Variants in ARID1B observed in about 807,000 individuals in gnomAD.
ARID1B encodes the protein AT-rich interactive domain-containing protein 1B.
In ARID1B, 30 loss-of-function variants were observed where a neutral mutation model predicts 212.3. The observed-to-expected ratio is 0.14, with a 90% confidence interval of 0.11 to 0.19. The LOEUF (loss-of-function observed/expected upper bound fraction) is 0.19. ARID1B is among the 10% of genes least tolerant of loss of function. The pLI is 1.00. For synonymous variants in ARID1B, 1,402 were observed against 1,301.7 expected (o/e 1.08, Z -1.66); for missense variants, 2,891 against 3,204.0 (o/e 0.90, Z 2.36).
intron 4 of ARID1B, among the ~76,000 whole-genome samples, chr6:157,025,196 A>C (rs190031853): frequency 1.5e-3 from 233 of 152,390 alleles, no homozygotes; most frequent in Non-Finnish European, 2.6e-3. Context: ...TATCAAATGT[A>C]AAATTTAACT....
intron 4 of ARID1B, among the ~76,000 whole-genome samples, chr6:157,039,136 T>A (rs1368706985): frequency 1.3e-5 from 2 of 151,738 alleles, no homozygotes; most frequent in African/African-American, 4.8e-5. Context: ...TCCCAAAGAG[T>A]AGTGTTGGCA....
At chr6:156,904,872 T>G (rs1789236566) in intron 3 of ARID1B, among the ~76,000 whole-genome samples, 1 of 152,260 alleles carries the variant, frequency 6.6e-6, no homozygotes, top group South Asian at 2.1e-4. Context: ...TAAGGCACGT[T>G]TGAAACATAA....
Position 157,207,668 on chromosome 6 carries a change from A to G in ARID1B, c.6896A>G (p.Gln2299Arg). 3.7e-6 allele frequency: 6 copies of G among 1,613,602 alleles called. No individual in the cohort carries two copies. The highest frequency in any genetic ancestry group is 5.1e-6 in the Non-Finnish European group (6 of 1,179,536). Residue 2299 changes from glutamine to arginine, a missense_variant, in exon 20 of 20, where the codon CAG (glutamine) becomes CGG (arginine). Coordinates refer to ENST00000636930, the MANE Select transcript of ARID1B (RefSeq NM_001374828.1). The surrounding 1 kb of genome is among the most constrained non-coding windows in gnomAD (Gnocchi z 8.5). ...ACGATGGCCCAGTACCAGCAGAGCC[A>G]GCACAACCTCATGCACATGCAGCCC... ...GVTMAQYQQS[Q>R]HNLMHMQPPP...
At chr6:156,863,433 A>T (rs1355892062) in intron 2 of ARID1B, among the ~76,000 whole-genome samples, 2 of 152,196 alleles carry the variant, frequency 1.3e-5, no homozygotes, top group Non-Finnish European at 2.9e-5. Context: ...TCTCTCAGCC[A>T]AGAGCCTGAG....
chr6:157,203,789 C>T lies in ARID1B; in HGVS notation c.5264-77C>T. ...TAACTTAACACTCCACTTATTTTTT[C>T]TTACTCTTTCGTTAACTTTCGTTCT... On this transcript the variant is annotated intron_variant, in intron 18 of 19. Transcript: ENST00000636930. This position sits in a 1 kb window ranked among gnomAD's most constrained non-coding sequence, Gnocchi z 4.4. The T allele has an allele frequency of 6.5e-6, 10 of 1,541,052 alleles. No homozygotes were observed. The Admixed American group carries it at 1.1e-4, about 16-fold the overall frequency.
intron 3 of ARID1B, among the ~76,000 whole-genome samples, chr6:156,927,492 G>A (rs1487031996): frequency 6.6e-6 from 1 of 152,104 alleles, no homozygotes; most frequent in Non-Finnish European, 1.5e-5. Context: ...TTTTTGGTAA[G>A]CATCAAATGT....
intron 4 of ARID1B, among the ~76,000 whole-genome samples, chr6:156,978,895 A>G (rs1777430106): frequency 6.6e-6 from 1 of 152,156 alleles, no homozygotes; most frequent in South Asian, 2.1e-4. Flanking sequence ...ATTTGTTCCA[A>G]ATTTCTCTCC....
chr6:156,945,233 CTTTTTTT>C (rs1164805779), intron 4 of ARID1B, among the ~76,000 whole-genome samples: 10 of 32,664 alleles, frequency 3.1e-4, no homozygotes, highest in African/African-American at 8.8e-4. Context: ...CCGCATCCGG[CTTTTTTT>C]TTTTTTTTTT....
chr6:157,187,699 G>A (rs1301713131), intron 13 of ARID1B, among the ~76,000 whole-genome samples: 7 of 151,186 alleles, frequency 4.6e-5, no homozygotes, highest in Middle Eastern at 3.5e-3. Context: ...GAGCCTGCCA[G>A]CCTCCTCTAT....
chr6:157,097,642 G>A (rs1158440760), intron 5 of ARID1B, among the ~76,000 whole-genome samples: 2 of 152,172 alleles, frequency 1.3e-5, no homozygotes, highest in African/African-American at 4.8e-5. Flanking sequence ...GGGTGGAGGC[G>A]AGTGAAACTT....
At chr6:156,844,779 T>C (rs910227259) in intron 2 of ARID1B, among the ~76,000 whole-genome samples, 11 of 152,246 alleles carry the variant, frequency 7.2e-5, no homozygotes, top group African/African-American at 2.7e-4. Flanking sequence ...TTTATGTTAA[T>C]GTAACTATAA....
At chr6:157,186,187 C>T (rs149302740) in intron 13 of ARID1B, 350 of 281,012 alleles carry the variant, frequency 1.2e-3, no homozygotes, top group African/African-American at 7.3e-3. Flanking sequence ...AGGACGGGGG[C>T]CCTGCTGAGG....
At chr6:156,953,393 G>A (rs957334196) in intron 4 of ARID1B, among the ~76,000 whole-genome samples, 7 of 152,208 alleles carry the variant, frequency 4.6e-5, no homozygotes, top group Admixed American at 1.3e-4. Context: ...ATTCATGCAG[G>A]TCTGCAGTCA....
intron 1 of ARID1B, among the ~76,000 whole-genome samples, chr6:156,815,179 G>T (rs1349623455): frequency 2.6e-5 from 4 of 152,156 alleles, no homozygotes. Flanking sequence ...GCTGGCAGTA[G>T]ACAAGTAGCA....
At chr6:157,179,562 C>T (rs151026554) in intron 11 of ARID1B, among the ~76,000 whole-genome samples, 3,708 of 152,274 alleles carry the variant, frequency 0.024, 62 homozygotes, top group Non-Finnish European at 0.037. Context: ...AGTTTAACCT[C>T]AGCATCAAAG....
At chr6:156,894,082 A>T (rs929152423) in intron 2 of ARID1B, among the ~76,000 whole-genome samples, 11 of 152,184 alleles carry the variant, frequency 7.2e-5, no homozygotes, top group Admixed American at 1.3e-4. Context: ...TGCTGTATAC[A>T]TTCCGTGGCC....
At position 156,812,985 on chromosome 6, in the gene ARID1B, T is replaced by TACGTATGTATATACATATATATAC. The variant is rs1781677765; in HGVS notation, c.1792-16240_1792-16239insGTATGTATATACATATATATACAC. On this transcript the variant is annotated intron_variant, in intron 1 of 19. Transcript: ENST00000636930. ...GTGTGTGTGTGTGTGTGTATGTATA[T>TACGTATGTATATACATATATATAC]ACATACGTATGTATATACATATATA... 8.5e-5 allele frequency among the ~76,000 whole-genome samples: 9 copies of TACGTATGTATATACATATATATAC among 106,402 alleles called. No homozygotes were observed. In the South Asian group the frequency reaches 2.0e-3, roughly 23 times the overall value. The allele number at this position is 106,402 out of a possible 152,430, so 69.8% of individuals were successfully genotyped here.
Position 156,777,868 on chromosome 6 carries a change from ACGGCGG to A in ARID1B, c.196_201del (p.Gly66_Gly67del), listed in dbSNP as rs1291126502. On this transcript the variant is annotated inframe_deletion, in exon 1 of 20. Transcript: ENST00000636930. ...GGACCCATGCTGGGGGGCGGCGGCG[ACGGCGG>A]CGGCGGCCTGAACAGTGTGCACCAC... 1.5e-4 allele frequency: 201 copies of A among 1,333,862 alleles called. 1 individual carries two copies. In the South Asian group the frequency reaches 3.5e-3, roughly 23 times the overall value. The allele number at this position is 1,333,862 out of a possible 1,614,324, so 82.6% of individuals were successfully genotyped here.
chr6:156,838,872 C>T (rs1405616410), intron 2 of ARID1B, among the ~76,000 whole-genome samples: 1 of 152,214 alleles, frequency 6.6e-6, no homozygotes, highest in South Asian at 2.1e-4. Flanking sequence ...CAGATACTCT[C>T]TTAAAAGGGT....
Sources: allele counts gnomAD v4.1 joint callset (sites outside exome capture counted in the v4.1 genomes callset), GRCh38; gene constraint gnomAD v4.1.1; non-coding constraint Gnocchi (gnomAD v3.1); transcripts MANE v1.5; gene names NCBI Gene and HGNC (gene_info 2026-07-23, HGNC 2026-07-21).